Variants in UGT2A2 observed in about 807,000 individuals in gnomAD.
UGT2A2 encodes UDP-glucuronosyltransferase 2A2.
In UGT2A2, 60 loss-of-function variants were observed where a neutral mutation model predicts 50.7. The observed-to-expected ratio is 1.18, with a 90% CI of 0.96 to 1.47. The LOEUF is 1.47. UGT2A2 is among the 40% of genes most tolerant of loss of function. The pLI is 0.00. For missense variants in UGT2A2, 762 were observed against 634.0 expected (o/e 1.20, Z -2.17); for synonymous variants, 242 against 214.6 (o/e 1.13, Z -1.11).
At chr4:69,625,881 A>C (rs1721025226) in intron 1 of UGT2A2, among the ~76,000 whole-genome samples, 1 of 151,506 alleles carries the variant, frequency 6.6e-6, no homozygotes, top group Non-Finnish European at 1.5e-5. Flanking sequence ...GCATTCTTTA[A>C]CCCAGATACA....
intron 1 of UGT2A2, among the ~76,000 whole-genome samples, chr4:69,618,465 T>C (rs1427354793): frequency 2.0e-5 from 3 of 151,906 alleles, no homozygotes; most frequent in Non-Finnish European, 4.4e-5. Context: ...CATTTCTAAC[T>C]TTGTTTATTG....
At chr4:69,635,357 C>T (rs1721615791) in intron 1 of UGT2A2, among the ~76,000 whole-genome samples, 1 of 152,102 alleles carries the variant, frequency 6.6e-6, no homozygotes, top group Non-Finnish European at 1.5e-5. Flanking sequence ...GACTGGAAAC[C>T]CAAAAGACAC....
chr4:69,588,928 T>C lies in UGT2A2; in HGVS notation c.*444A>G, dbSNP rs1718413566. ...CTCATAACACACTACTCTCCTACGG[T>C]GGCTCCCTGATTTGTTTGGTATATG... On this transcript the variant is annotated 3_prime_UTR_variant, in exon 6 of 6. Coordinates refer to ENST00000604629, the MANE Select transcript of UGT2A2 (RefSeq NM_001105677.2). 1 of 153,922 alleles carries C rather than the reference T, an allele frequency of 6.5e-6. No individual in the cohort carries two copies. The highest frequency in any genetic ancestry group is 2.0e-4 in the South Asian group (1 of 4,988). The allele number at this position is 153,922 out of a possible 1,614,324, so 9.5% of individuals were successfully genotyped here.
intron 1 of UGT2A2, among the ~76,000 whole-genome samples, chr4:69,621,560 A>G (rs1182150900): frequency 6.6e-6 from 1 of 151,864 alleles, no homozygotes; most frequent in Non-Finnish European, 1.5e-5. Flanking sequence ...GTAGAAGGGT[A>G]AATTAGTTCA....
rs188355222 is a variant in UGT2A2, at chr4:69,608,529, C to T, written c.743-9135G>A. The stretch of plus-strand genomic sequence containing the variant: ...GGCACATGTATGTAACTAACCTGCA[C>T]GTTGTGTACATGTACCCTAAAACTT... On this transcript the variant is annotated intron_variant, in intron 1 of 5. Transcript: ENST00000604629. 4.9e-3 allele frequency among the ~76,000 whole-genome samples: 743 copies of T among 150,526 alleles called. 6 individuals carry two copies. The highest frequency in any genetic ancestry group is 0.017 in the African/African-American group (701 of 40,898).
intron 1 of UGT2A2, among the ~76,000 whole-genome samples, chr4:69,628,242 A>T (rs1397100604): frequency 6.6e-6 from 1 of 151,354 alleles, no homozygotes; most frequent in African/African-American, 2.4e-5. Context: ...GCATTTTTTT[A>T]AAGAAATAGA....
At chr4:69,633,783 C>T (rs1347116795) in intron 1 of UGT2A2, among the ~76,000 whole-genome samples, 1 of 151,928 alleles carries the variant, frequency 6.6e-6, no homozygotes, top group Non-Finnish European at 1.5e-5. Flanking sequence ...AAGTGTTTAC[C>T]ATTAAATAGG....
intron 4 of UGT2A2, 66 bp from the exon 5 acceptor site, chr4:69,594,762 G>A (rs1718819178): frequency 1.3e-6 from 2 of 1,527,748 alleles, no homozygotes; most frequent in Admixed American, 4.1e-5. Flanking sequence ...TTGAGAGACA[G>A]AAGGGGTCAA....
intron 5 of UGT2A2, among the ~76,000 whole-genome samples, chr4:69,594,214 T>A (rs1718770955): frequency 6.6e-6 from 1 of 152,098 alleles, no homozygotes; most frequent in African/African-American, 2.4e-5. Context: ...GACCTTGTGA[T>A]CTGCCACCCT....
intron 1 of UGT2A2, among the ~76,000 whole-genome samples, chr4:69,625,074 A>G (rs115822575): frequency 0.013 from 1,900 of 151,272 alleles, 38 homozygotes; most frequent in African/African-American, 0.042. Flanking sequence ...ATATGTATTA[A>G]TTATGATAAT....
At chr4:69,601,406 G>T (rs1719287204) in intron 1 of UGT2A2, among the ~76,000 whole-genome samples, 1 of 152,136 alleles carries the variant, frequency 6.6e-6, no homozygotes, top group Non-Finnish European at 1.5e-5. Flanking sequence ...TACTACTCCT[G>T]GGTAACATAA....
chr4:69,598,584 C>A (rs1333298256), intron 2 of UGT2A2, among the ~76,000 whole-genome samples: 1 of 152,118 alleles, frequency 6.6e-6, no homozygotes, highest in African/African-American at 2.4e-5. Context: ...GAATCTATTT[C>A]TAATGCTTCC....
intron 1 of UGT2A2, among the ~76,000 whole-genome samples, chr4:69,637,609 C>A (rs1721784350): frequency 6.6e-6 from 1 of 152,078 alleles, no homozygotes; most frequent in African/African-American, 2.4e-5. Context: ...ACTTTCTCTG[C>A]CTGCTCTATT....
rs146047027 is a variant in UGT2A2, at chr4:69,594,585, T to C, written c.1223A>G (p.Asp408Gly). The change falls in exon 5 of 6, where the codon GAT becomes GGT. Residue 408 changes from aspartate (D) to glycine (G), a missense_variant. Asp to Gly is a moderately conservative substitution (Grantham distance 94). Coordinates refer to ENST00000604629, the MANE Select transcript of UGT2A2 (RefSeq NM_001105677.2). Reference sequence around the variant, plus strand: ...TTTGGCCTTCATGTGAGCAATGTTATCAGGCTGATCAGCAAACATGGGAAC... The same window carrying C: ...TTTGGCCTTCATGTGAGCAATGTTACCAGGCTGATCAGCAAACATGGGAAC... The part of the protein sequence containing the change: ...VGVPMFADQP[D>G]NIAHMKAKGA... 1.2e-6 allele frequency: 2 copies of C among 1,614,046 alleles called. No homozygotes were observed. The highest frequency in any genetic ancestry group is 1.3e-5 in the African/African-American group (1 of 74,932).
chr4:69,599,122 T>C, intron 2 of UGT2A2, 124 bp downstream of exon 2: 2 of 1,374,264 alleles, frequency 1.5e-6, no homozygotes, highest in Admixed American at 2.9e-5. Context: ...ACAAGGAAAA[T>C]AGATGTGGAG....
intron 1 of UGT2A2, among the ~76,000 whole-genome samples, chr4:69,607,709 A>C (rs1719740277): frequency 6.6e-6 from 1 of 152,228 alleles, no homozygotes; most frequent in South Asian, 2.1e-4. Context: ...CAATGAACTC[A>C]AACAAATTTA....
At chr4:69,599,495 A>C (rs1007028117) in intron 1 of UGT2A2, 101 bp from the exon 2 acceptor site, 3 of 1,533,778 alleles carry the variant, frequency 2.0e-6, no homozygotes, top group Admixed American at 4.4e-5. Context: ...GTTAAGAAAA[A>C]ACTGAATTAG....
intron 1 of UGT2A2, among the ~76,000 whole-genome samples, chr4:69,625,670 A>C (rs1721015351): frequency 6.6e-6 from 1 of 151,184 alleles, no homozygotes; most frequent in Non-Finnish European, 1.5e-5. Context: ...GCCATACCCT[A>C]TTTTTGTTTT....
chr4:69,589,397 A>C lies in UGT2A2; in HGVS notation c.1586T>G (p.Ile529Arg). 6.2e-7 allele frequency: 1 copy of C among 1,612,928 alleles called. No individual in the cohort carries two copies. The part of the protein sequence containing the change: ...CLFSCQKFGK[I>R]GKKKKRE Reference sequence around the variant, plus strand: ...CTATTCTCTTTTTTTCTTCTTTCCTATCTTACCAAATTTTTGACAGGAAAA... The same window carrying C: ...CTATTCTCTTTTTTTCTTCTTTCCTCTCTTACCAAATTTTTGACAGGAAAA... The change falls in exon 6 of 6, where the codon ATA (isoleucine) becomes AGA (arginine). Residue 529 changes from isoleucine to arginine, a missense_variant. Transcript: ENST00000604629.
Sources: allele counts gnomAD v4.1 joint callset (sites outside exome capture counted in the v4.1 genomes callset), GRCh38; gene constraint gnomAD v4.1.1; transcripts MANE v1.5; gene names NCBI Gene and HGNC (gene_info 2026-07-23, HGNC 2026-07-21).